Variants in BRD10 observed in about 807,000 individuals in gnomAD.
BRD10 encodes the protein bromodomain containing 10.
the BRD10 span, among the ~76,000 whole-genome samples, chr9:5,954,624 C>G: frequency 6.6e-6 from 1 of 152,064 alleles, no homozygotes. Context: ...GTATCAATAC[C>G]CAAAGTTTTA....
chr9:5,949,265 C>T, the BRD10 span, among the ~76,000 whole-genome samples: 1 of 152,048 alleles, frequency 6.6e-6, no homozygotes, highest in African/African-American at 2.4e-5. Context: ...GAGGAAACCA[C>T]AGAGAATCGC....
the BRD10 span, among the ~76,000 whole-genome samples, chr9:5,948,297 CTACTA>C: frequency 1.3e-5 from 2 of 152,108 alleles, no homozygotes; most frequent in Non-Finnish European, 2.9e-5. Context: ...AGGACTTCTC[CTACTA>C]TATTATATTC....
the BRD10 span, chr9:5,920,866 T>C: frequency 6.2e-6 from 10 of 1,613,876 alleles, no homozygotes; most frequent in African/African-American, 9.3e-5. Flanking sequence ...TCACAGTTGA[T>C]ATAGCCACAG....
At chr9:5,938,679 G>A in the BRD10 span, among the ~76,000 whole-genome samples, 1 of 151,688 alleles carries the variant, frequency 6.6e-6, no homozygotes, top group Non-Finnish European at 1.5e-5. Flanking sequence ...TTTATCTGTT[G>A]TGCAACATTT....
chr9:5,986,854 A>G, the BRD10 span, among the ~76,000 whole-genome samples: 3 of 152,112 alleles, frequency 2.0e-5, no homozygotes, highest in African/African-American at 7.2e-5. Flanking sequence ...GGATATGTAA[A>G]TGTTTTCATT....
At chr9:5,892,669 G>T in the BRD10 span, 1 of 753,502 alleles carries the variant, frequency 1.3e-6, no homozygotes, top group East Asian at 2.9e-5. Flanking sequence ...TCCCCAGACA[G>T]TAACATCCCT....
chr9:5,940,082 G>C, the BRD10 span, among the ~76,000 whole-genome samples: 2 of 152,004 alleles, frequency 1.3e-5, no homozygotes, highest in Non-Finnish European at 2.9e-5. Flanking sequence ...CTTATTTTAA[G>C]AACATAATAA....
the BRD10 span, among the ~76,000 whole-genome samples, chr9:5,896,720 G>C: frequency 9.2e-5 from 14 of 152,196 alleles, no homozygotes; most frequent in Non-Finnish European, 1.5e-4. Context: ...ACAGCTCCAG[G>C]CCCTGTTTCC....
At chr9:5,946,360 G>C in the BRD10 span, among the ~76,000 whole-genome samples, 2 of 152,002 alleles carry the variant, frequency 1.3e-5, no homozygotes, top group East Asian at 3.9e-4. Context: ...TGATGTAGTG[G>C]GACAGTGTAG....
the BRD10 span, chr9:5,898,987 G>A: frequency 1.3e-5 from 2 of 152,048 alleles, no homozygotes; most frequent in East Asian, 3.8e-4. Flanking sequence ...CAATCTTCTG[G>A]TACCAGTATC....
chr9:5,925,359 A>C, the BRD10 span, among the ~76,000 whole-genome samples: 2 of 6,404 alleles, frequency 3.1e-4, no homozygotes, highest in Non-Finnish European at 2.4e-3. Context: ...ACTCCATCTC[A>C]AAAAAAAAAA....
chr9:5,988,541 A>C, the BRD10 span: 1 of 1,612,044 alleles, frequency 6.2e-7, no homozygotes, highest in Non-Finnish European at 8.5e-7. Context: ...TTTTCTCTCA[A>C]GTGCCTTGGA....
the BRD10 span, among the ~76,000 whole-genome samples, chr9:5,943,069 G>T: frequency 2.0e-5 from 3 of 152,024 alleles, no homozygotes; most frequent in African/African-American, 7.3e-5. Flanking sequence ...TAGAGACGGG[G>T]TCTAGCTATG....
At chr9:5,892,751 GAAGATGGGAATGGTAT>G in the BRD10 span, among the ~76,000 whole-genome samples, 1 of 152,326 alleles carries the variant, frequency 6.6e-6, no homozygotes, top group Middle Eastern at 3.4e-3. Context: ...AAACAGGCAG[GAAGATGGGAATGGTAT>G]AAGGTTGGAT....
chr9:5,933,677 A>G, the BRD10 span: 1 of 413,316 alleles, frequency 2.4e-6, no homozygotes, highest in Non-Finnish European at 5.0e-6. Flanking sequence ...AAAATAACTT[A>G]CAAAACTACA....
At chr9:5,957,344 T>C in the BRD10 span, among the ~76,000 whole-genome samples, 1 of 152,192 alleles carries the variant, frequency 6.6e-6, no homozygotes, top group African/African-American at 2.4e-5. Context: ...CATTATGTAA[T>C]TCTACTGCAC....
chr9:5,920,675 G>C, the BRD10 span: 1 of 1,613,990 alleles, frequency 6.2e-7, no homozygotes, highest in Non-Finnish European at 8.5e-7. Flanking sequence ...AATAGATACA[G>C]AACGTGTGGC....
chr9:5,936,934 T>A, the BRD10 span, among the ~76,000 whole-genome samples: 2 of 152,106 alleles, frequency 1.3e-5, no homozygotes, highest in African/African-American at 4.8e-5. Flanking sequence ...TGATACGTGA[T>A]TGAAAAAGGT....
chr9:5,978,419 A>G, the BRD10 span, among the ~76,000 whole-genome samples: 3 of 151,598 alleles, frequency 2.0e-5, no homozygotes, highest in South Asian at 4.2e-4. Flanking sequence ...AAGGAGTTTT[A>G]AGAAATAATA....
Sources: gnomAD v4.1 joint callset for allele counts (sites outside exome capture counted in the v4.1 genomes callset) on GRCh38, gnomAD v4.1.1 for gene constraint, MANE v1.5 for transcripts, NCBI Gene and HGNC (gene_info 2026-07-23, HGNC 2026-07-21) for gene names.